GALNS: variants seen among roughly 807,000 people sequenced by gnomAD.
The protein encoded by GALNS is galactosamine (N-acetyl)-6-sulfatase.
In GALNS, 65 loss-of-function variants were observed where a neutral mutation model predicts 65.9. That is an observed-to-expected ratio of 0.99 (90% CI 0.81 to 1.21). The LOEUF (loss-of-function observed/expected upper bound fraction) is 1.21. Ranked by LOEUF, GALNS falls within the 50% of genes most tolerant of loss-of-function variation. GALNS has a pLI of 0.00. For synonymous variants in GALNS, 346 were observed against 288.9 expected (o/e 1.20, Z -2.00); for missense variants, 776 against 700.7 (o/e 1.11, Z -1.21).
At chr16:88,816,041 C>T (rs779042156) in intron 13 of GALNS, 11 of 985,318 alleles carry the variant, frequency 1.1e-5, no homozygotes, top group African/African-American at 1.7e-5. Flanking sequence ...ACACGCGTGT[C>T]TGTGCATCTC....
intron 4 of GALNS, 185 bp from the exon 5 acceptor site, chr16:88,837,950 A>G: frequency 1.6e-6 from 1 of 623,760 alleles, no homozygotes; most frequent in East Asian, 2.8e-5. Flanking sequence ...GGGTGCTGGC[A>G]CTGCCCGCCT....
chr16:88,851,499 G>A (rs1419521146), intron 1 of GALNS, among the ~76,000 whole-genome samples: 1 of 152,170 alleles, frequency 6.6e-6, no homozygotes, highest in Non-Finnish European at 1.5e-5. Context: ...TCATCCTACT[G>A]GGACTGGTTG....
chr16:88,820,704 G>A (rs1271322246), intron 12 of GALNS, among the ~76,000 whole-genome samples: 1 of 152,218 alleles, frequency 6.6e-6, no homozygotes, highest in Non-Finnish European at 1.5e-5. Flanking sequence ...GGCCTGGCTG[G>A]AGGGGCTCCA....
chr16:88,836,745 C>G (rs903422374), intron 5 of GALNS, among the ~76,000 whole-genome samples: 8 of 152,084 alleles, frequency 5.3e-5, no homozygotes, highest in African/African-American at 1.9e-4. Context: ...AGGGCACGGT[C>G]TTGCATCTGA....
At position 88,815,990 on chromosome 16, in the gene GALNS, G is replaced by A. The variant is rs1160361017; in HGVS notation, c.1483-1465C>T. On this transcript the variant is annotated intron_variant, in intron 13 of 13. Transcript: ENST00000268695. ...CTGGGGCTGGCCTGGAGTTGGCGGG[G>A]ACAGAGGGCAGGGAAGGGGTAAGGA... is the stretch of plus-strand genomic sequence containing the variant. 6.2e-5 allele frequency: 61 copies of A among 985,288 alleles called. No homozygotes were observed. The Admixed American group carries it at 3.8e-3, about 61-fold the overall frequency. The allele number at this position is 985,288 out of a possible 1,614,324, so 61.0% of individuals were successfully genotyped here.
In GALNS at chr16:88,813,953, CTGGGCCAGACTCAATCGTGTATTCAG is replaced by C. The variant is rs1423719464; in HGVS notation, c.*460_*485del. On this transcript the variant is annotated 3_prime_UTR_variant, in exon 14 of 14. Transcript: ENST00000268695. ...CTGTTTACATAAAAATGCGGATTCA[CTGGGCCAGACTCAATCGTGTATTCAG>C]TGGAAGGCTGACTGAACCAATGTAC... 8 of 207,274 alleles carry C rather than the reference CTGGGCCAGACTCAATCGTGTATTCAG, an allele frequency of 3.9e-5. No homozygotes were observed. Among genetic ancestry groups the C allele is most frequent in the Non-Finnish European group, 7.0e-5 (7 of 99,774 alleles). The allele number at this position is 207,274 out of a possible 1,614,324, so 12.8% of individuals were successfully genotyped here.
chr16:88,835,798 A>G lies in GALNS; in HGVS notation c.685T>C (p.Tyr229His), dbSNP rs151165725. 3.2e-5 allele frequency: 51 copies of G among 1,614,040 alleles called. No individual in the cohort carries two copies. The African/African-American group carries it at 6.7e-4, about 21-fold the overall frequency. Residue 229 changes from tyrosine to histidine, a missense_variant, in exon 7 of 14, where the codon TAC (tyrosine) becomes CAC (histidine). Tyr to His is a moderately conservative substitution (Grantham distance 83, BLOSUM62 2). Transcript: ENST00000268695. ...RQARHHPFFL[Y>H]WAVDATHAPV... Reference sequence around the variant, plus strand: ...GCGTGCGTGGCGTCGACAGCCCAGTAGAGGAAAAAGGGGTGGTGCCGTGCC... The same window carrying G: ...GCGTGCGTGGCGTCGACAGCCCAGTGGAGGAAAAAGGGGTGGTGCCGTGCC...
chr16:88,816,131 T>C (rs1339443307), intron 13 of GALNS: 1 of 985,298 alleles, frequency 1.0e-6, no homozygotes, highest in Admixed American at 6.1e-5. Flanking sequence ...TTGGCACTTT[T>C]CCCCCTGCAG....
chr16:88,831,907 A>G (rs1275428941), intron 9 of GALNS, 91 bp downstream of exon 9: 38 of 1,055,934 alleles, frequency 3.6e-5, no homozygotes, highest in South Asian at 1.5e-4. Flanking sequence ...CACGGGGTGC[A>G]TGGGGGAGGT....
chr16:88,832,083 A>C lies in GALNS; in HGVS notation c.917T>G (p.Phe306Cys), dbSNP rs759590432. 7.4e-6 allele frequency: 12 copies of C among 1,613,684 alleles called. No homozygotes were observed. In the African/African-American group the frequency reaches 1.5e-4, roughly 20 times the overall value. Residue 306 changes from phenylalanine (F) to cysteine (C), a missense_variant, in exon 9 of 14, where the codon TTT (phenylalanine) becomes TGT (cysteine). Transcript: ENST00000268695. ...AAACGTGGTCTGCTTCCCACACAGA[A>C]AGGGGCCGTTGCTGCCACCTGGGAG... ...APEQGGSNGP[F>C]LCGKQTTFEG...
At position 88,826,681 on chromosome 16, in the gene GALNS, CG is replaced by C. The variant is rs567120190; in HGVS notation, c.1139+20del. ...CACTACTTGGATCGGGGGAAGGGGC[CG>C]GGGCAGGTCTAGCACCAACCTGTCC... On this transcript the variant is annotated intron_variant, in intron 10 of 13. Coordinates refer to ENST00000268695, the MANE Select transcript of GALNS (RefSeq NM_000512.5). The C allele has an allele frequency of 1.5e-4, 247 of 1,607,372 alleles. 3 individuals are homozygous for C. In the South Asian group the frequency reaches 2.4e-3, roughly 15 times the overall value.
In GALNS at chr16:88,841,147, A is replaced by G. The variant is rs8059282; in HGVS notation, c.320-53T>C. The G allele has an allele frequency of 9.0e-4, 1,244 of 1,387,584 alleles. 9 individuals carry two copies. In the African/African-American group the frequency reaches 0.015, roughly 16 times the overall value. 86.0% of individuals were successfully genotyped at this position (1,387,584 alleles called of 1,614,324 possible). ...GAGGAGACCCCGAGAAGCTGCCACC[A>G]ACCCCATCCTAACAGGACACTGGGG... On this transcript the variant is annotated intron_variant, in intron 3 of 13. Transcript: ENST00000268695.
intron 1 of GALNS, among the ~76,000 whole-genome samples, chr16:88,849,815 G>A (rs1967422850): frequency 6.6e-6 from 1 of 152,256 alleles, no homozygotes; most frequent in Admixed American, 6.5e-5. Context: ...GGTGTCCCCT[G>A]AAGCTGATGA....
intron 13 of GALNS, chr16:88,816,670 T>C (rs1297294198): frequency 2.0e-6 from 2 of 985,256 alleles, no homozygotes; most frequent in East Asian, 2.3e-4. Context: ...GCTCTCCTGT[T>C]ACATCCGCCG....
At position 88,814,350 on chromosome 16, in the gene GALNS, G is replaced by C. The variant is rs1412768244; in HGVS notation, c.*89C>G. On this transcript the variant is annotated 3_prime_UTR_variant, in exon 14 of 14. Coordinates refer to ENST00000268695, the MANE Select transcript of GALNS (RefSeq NM_000512.5). The stretch of plus-strand genomic sequence containing the variant: ...CTGTCTGTCTGGCTTGGGCAGGGTT[G>C]GGGGAGGACCGAGGCCAGAGCCATC... The C allele has an allele frequency of 1.1e-5, 16 of 1,509,106 alleles. No homozygotes were observed. Among genetic ancestry groups the C allele is most frequent in the Admixed American group, 3.9e-5 (2 of 50,894 alleles). 93.5% of individuals were successfully genotyped at this position (1,509,106 alleles called of 1,614,324 possible).
chr16:88,849,610 A>G (rs113599978), intron 1 of GALNS, among the ~76,000 whole-genome samples: 8,400 of 152,024 alleles, frequency 0.055, 282 homozygotes, highest in Middle Eastern at 0.15. Context: ...TTTGGTAGAG[A>G]TGGAGTTTTG....
At chr16:88,821,846 T>A (rs963707028) in intron 12 of GALNS, among the ~76,000 whole-genome samples, 2 of 151,990 alleles carry the variant, frequency 1.3e-5, no homozygotes, top group African/African-American at 4.8e-5. Flanking sequence ...CAGGACCAAC[T>A]CGATAGGGCA....
intron 2 of GALNS, 197 bp downstream of exon 2, chr16:88,842,509 G>A: frequency 1.5e-6 from 1 of 659,106 alleles, no homozygotes; most frequent in South Asian, 2.0e-5. Context: ...TGAAAACCCA[G>A]CAGGTGCCGC....
intron 13 of GALNS, chr16:88,816,025 G>A (rs1909585610): frequency 1.0e-5 from 10 of 985,420 alleles, no homozygotes; most frequent in Non-Finnish European, 1.2e-5. Flanking sequence ...AGGGCCCCCA[G>A]GCTTCACACG....
Sources: allele counts gnomAD v4.1 joint callset (sites outside exome capture counted in the v4.1 genomes callset), GRCh38; gene constraint gnomAD v4.1.1; transcripts MANE v1.5; gene names NCBI Gene and HGNC (gene_info 2026-07-23, HGNC 2026-07-21).